RIPOR1: variants seen among roughly 807,000 people sequenced by gnomAD.
RIPOR1 encodes rho family-interacting cell polarization regulator 1.
Under a neutral mutation model 116.5 loss-of-function variants are expected in RIPOR1, and 58 were observed. The ratio of observed to expected loss-of-function variants is 0.50; its 90% CI spans 0.40 to 0.62. The LOEUF is 0.62. Among genes scored for constraint, RIPOR1 ranks in the 20% least tolerant of loss-of-function variants. The pLI is 0.00. For missense variants in RIPOR1, 1,372 were observed against 1,586.2 expected (o/e 0.86, Z 2.29); for synonymous variants, 605 against 650.0 (o/e 0.93, Z 1.05).
chr16:67,520,062 CAAAAAAA>C (rs796368368), intron 1 of RIPOR1, among the ~76,000 whole-genome samples: 9 of 46,024 alleles, frequency 2.0e-4, no homozygotes, highest in South Asian at 1.0e-3. Context: ...AACTCCGTCT[CAAAAAAA>C]AAAAAAAAAA....
In RIPOR1 at chr16:67,531,378, G is replaced by T. The variant is rs564967266; in HGVS notation, c.-24+2464G>T. On this transcript the variant is annotated intron_variant, in intron 1 of 21. Transcript: ENST00000042381. The surrounding 1 kb of genome is among the most constrained non-coding windows in gnomAD (Gnocchi z 4.2). ...CCCCCAGAGCGCTGTGGTGAGCCAA[G>T]CAGATATGCCCCAGGTCTCACAAGG... 6.6e-6 allele frequency among the ~76,000 whole-genome samples: 1 copy of T among 151,674 alleles called. No homozygotes were observed. The highest frequency in any genetic ancestry group is 1.9e-4 in the East Asian group (1 of 5,154).
chr16:67,536,476 C>T (rs969741038), intron 1 of RIPOR1, among the ~76,000 whole-genome samples: 6 of 151,948 alleles, frequency 3.9e-5, no homozygotes, highest in African/African-American at 1.5e-4. Context: ...AGGATGGGAA[C>T]GCAGAACCTG....
chr16:67,521,626 C>T (rs185084256), intron 1 of RIPOR1, among the ~76,000 whole-genome samples: 1 of 152,210 alleles, frequency 6.6e-6, no homozygotes, highest in Non-Finnish European at 1.5e-5. Context: ...AGTCAATCGC[C>T]CCACCCCTTG....
At position 67,530,354 on chromosome 16, in the gene RIPOR1, G is replaced by T. The variant is rs979267136; in HGVS notation, c.-24+1440G>T. Among the ~76,000 whole-genome samples the T allele has an allele frequency of 1.3e-5, 2 of 152,246 alleles. No homozygotes were observed. The highest frequency in any genetic ancestry group is 2.9e-5 in the Non-Finnish European group (2 of 68,036). On this transcript the variant is annotated intron_variant, in intron 1 of 21. Transcript: ENST00000042381. The surrounding 1 kb of genome is among the most constrained non-coding windows in gnomAD (Gnocchi z 4.5). ...CCCGACAGCCTCCGCCCGGTTCCGGGGTGGGGGGTCCGGGGCTGTGCCGCT... is the reference window on the plus strand; with the variant it reads ...CCCGACAGCCTCCGCCCGGTTCCGGTGTGGGGGGTCCGGGGCTGTGCCGCT...
In RIPOR1 at chr16:67,542,803, C is replaced by G. The variant is rs563947359; in HGVS notation, c.2017C>G (p.Leu673Val). The change falls in exon 13 of 22, where the codon CTT becomes GTT. Residue 673 changes from leucine to valine, a missense_variant. By Grantham distance (32) the Leu-to-Val change is conservative. This residue lies in a region of RIPOR1 where 1,005 missense variants were observed against 1,144.7 expected (regional missense o/e 0.88). Transcript: ENST00000042381. The surrounding 1 kb of genome is among the most constrained non-coding windows in gnomAD (Gnocchi z 4.6). ...CACCCATCCCACCACAAGCCCCATC[C>G]TTATAAATGTAAGCCCTTCCACTTC... The part of the protein sequence containing the change: ...SPTHPTTSPI[L>V]INVSPSTSLE... 6.2e-7 allele frequency: 1 copy of G among 1,614,090 alleles called. No homozygotes were observed. The highest frequency in any genetic ancestry group is 2.2e-5 in the East Asian group (1 of 44,888).
chr16:67,539,089 A>G (rs1597640228), intron 4 of RIPOR1, 21 bp downstream of exon 4: 1 of 1,606,708 alleles, frequency 6.2e-7, no homozygotes, highest in Non-Finnish European at 8.5e-7. Flanking sequence ...GGAGGTACGG[A>G]TGCCCTTTGC....
In RIPOR1 at chr16:67,545,344, A is replaced by C. The variant is rs1471205392; in HGVS notation, c.3032-32A>C. 6.2e-7 allele frequency: 1 copy of C among 1,602,678 alleles called. No individual in the cohort carries two copies. The highest frequency in any genetic ancestry group is 1.7e-5 in the Admixed American group (1 of 58,412). The stretch of plus-strand genomic sequence containing the variant: ...CCCCTCTAAAAGCTGTGTTCACCCA[A>C]ACTCTGAGGCCCATGCTACTGCCTC... On this transcript the variant is annotated intron_variant, in intron 17 of 21. Coordinates refer to ENST00000042381, the MANE Select transcript of RIPOR1 (RefSeq NM_024519.4). This position sits in a 1 kb window ranked among gnomAD's most constrained non-coding sequence, Gnocchi z 4.8.
chr16:67,545,174 C>G lies in RIPOR1; in HGVS notation c.3031+57C>G, dbSNP rs117495365. On this transcript the variant is annotated intron_variant, in intron 17 of 21. Coordinates refer to ENST00000042381, the MANE Select transcript of RIPOR1 (RefSeq NM_024519.4). This position sits in a 1 kb window ranked among gnomAD's most constrained non-coding sequence, Gnocchi z 4.8. Reference sequence around the variant, plus strand: ...CTCAGATTCCCAGTGACAGGAAGCTCGGGGAAGCCAGGTCAGCCCACACAG... The same window carrying G: ...CTCAGATTCCCAGTGACAGGAAGCTGGGGGAAGCCAGGTCAGCCCACACAG... 75 of 1,593,910 alleles carry G rather than the reference C, an allele frequency of 4.7e-5. No individual in the cohort carries two copies. The highest frequency in any genetic ancestry group is 6.1e-5 in the Non-Finnish European group (72 of 1,171,060).
At chr16:67,536,490 G>A (rs920563067) in intron 1 of RIPOR1, among the ~76,000 whole-genome samples, 3 of 152,092 alleles carry the variant, frequency 2.0e-5, no homozygotes, top group Non-Finnish European at 4.4e-5. Context: ...GAACCTGAGA[G>A]GCCCATGTGA....
Position 67,545,541 on chromosome 16 carries a change from C to G in RIPOR1, c.3190+7C>G. 6.2e-7 allele frequency: 1 copy of G among 1,613,798 alleles called. No individual in the cohort carries two copies. The highest frequency in any genetic ancestry group is 8.5e-7 in the Non-Finnish European group (1 of 1,179,874). On this transcript the variant is annotated splice_region_variant and intron_variant, in intron 18 of 21. Coordinates refer to ENST00000042381, the MANE Select transcript of RIPOR1 (RefSeq NM_024519.4). The surrounding 1 kb of genome is among the most constrained non-coding windows in gnomAD (Gnocchi z 4.8). ...ACTGAGACCGCTGAGGAGGGTGAGG[C>G]GGTGGCCCTGATCACATAGTGGCCT...
In RIPOR1 at chr16:67,544,514, C is replaced by T. The variant is rs1381179033; in HGVS notation, c.2733+83C>T. 4.5e-6 allele frequency: 7 copies of T among 1,548,284 alleles called. No individual in the cohort carries two copies. Among genetic ancestry groups the T allele is most frequent in the South Asian group, 1.2e-5 (1 of 85,712 alleles). On this transcript the variant is annotated intron_variant, in intron 15 of 21. Transcript: ENST00000042381. This position sits in a 1 kb window ranked among gnomAD's most constrained non-coding sequence, Gnocchi z 5.1. ...TGCCCTTCCATCCTGGTCCTCTATA[C>T]CTCCTCTGAGTGCCACACCCCAGTG...
Position 67,543,113 on chromosome 16 carries a change from C to A in RIPOR1, c.2327C>A (p.Thr776Asn). The change falls in exon 13 of 22, where the codon ACC becomes AAC. Residue 776 changes from threonine (T) to asparagine (N), a missense_variant. This residue lies in a region of RIPOR1 where 1,005 missense variants were observed against 1,144.7 expected (regional missense o/e 0.88). Coordinates refer to ENST00000042381, the MANE Select transcript of RIPOR1 (RefSeq NM_024519.4). This position sits in a 1 kb window ranked among gnomAD's most constrained non-coding sequence, Gnocchi z 4.7. The stretch of plus-strand genomic sequence containing the variant: ...CTTTGCCTGGCCATGGCTGTCCAGA[C>A]CCCAGTCCCAACGGCAGCCGGAGGG... ...SDLCLAMAVQ[T>N]PVPTAAGGSG... 1 of 1,524,524 alleles carries A rather than the reference C, an allele frequency of 6.6e-7. No homozygotes were observed. Among genetic ancestry groups the A allele is most frequent in the South Asian group, 1.3e-5 (1 of 75,716 alleles). The allele number at this position is 1,524,524 out of a possible 1,614,324, so 94.4% of individuals were successfully genotyped here.
chr16:67,538,530 C>A lies in RIPOR1; in HGVS notation c.84C>A (p.Gly28=). ...GCCAGTCCTTCGCAGGCGTCCTCGG[C>A]AGCCACGAGCGGGGGCCCAGGTACG... ...NRSQSFAGVL[G]SHERGPRSFP... The change falls in exon 2 of 22, where the codon GGC becomes GGA. Residue 28 remains glycine, a synonymous_variant. Coordinates refer to ENST00000042381, the MANE Select transcript of RIPOR1 (RefSeq NM_024519.4). 1 of 1,612,184 alleles carries A rather than the reference C, an allele frequency of 6.2e-7. No homozygotes were observed. Among genetic ancestry groups the A allele is most frequent in the Non-Finnish European group, 8.5e-7 (1 of 1,179,354 alleles).
rs375011951 is a variant in RIPOR1, at chr16:67,541,875, G to A, written c.1089G>A (p.Leu363=). 1.2e-6 allele frequency: 2 copies of A among 1,609,502 alleles called. No homozygotes were observed. Among genetic ancestry groups the A allele is most frequent in the African/African-American group, 2.7e-5 (2 of 74,790 alleles). ...SLREQAFYNM[L]RRQEELENGT... is the part of the protein sequence containing the mutation. The stretch of plus-strand genomic sequence containing the variant: ...CCTCTCCTCTTTCTCAGAACATGCT[G>A]CGACGGCAGGAGGAGCTGGAGAATG... Residue 363 remains leucine (L), a synonymous_variant, in exon 13 of 22, where the codon CTG becomes CTA. Coordinates refer to ENST00000042381, the MANE Select transcript of RIPOR1 (RefSeq NM_024519.4). The surrounding 1 kb of genome is among the most constrained non-coding windows in gnomAD (Gnocchi z 4.6).
chr16:67,545,650 T>G lies in RIPOR1; in HGVS notation c.3191-14T>G. ...CCACCTTGCCCACCCACCCACCATA[T>G]CCCCTTTTTTCAGTGCTACTGGTGC... On this transcript the variant is annotated splice_polypyrimidine_tract_variant and intron_variant, in intron 18 of 21. Transcript: ENST00000042381. The surrounding 1 kb of genome is among the most constrained non-coding windows in gnomAD (Gnocchi z 4.8). 2.6e-6 allele frequency: 4 copies of G among 1,560,406 alleles called. No homozygotes were observed. Among genetic ancestry groups the G allele is most frequent in the Non-Finnish European group, 3.5e-6 (4 of 1,149,984 alleles).
upstream of RIPOR1, among the ~76,000 whole-genome samples, chr16:67,524,564 C>T (rs2050524730): frequency 6.6e-6 from 1 of 152,176 alleles, no homozygotes; most frequent in African/African-American, 2.4e-5. Context: ...GTCCCTAGAT[C>T]CCTCAGATGC....
At position 67,537,665 on chromosome 16, in the gene RIPOR1, G is replaced by A; in HGVS notation, c.-23-759G>A. 8.8e-7 allele frequency: 1 copy of A among 1,132,908 alleles called. No individual in the cohort carries two copies. Among genetic ancestry groups the A allele is most frequent in the Non-Finnish European group, 1.2e-6 (1 of 866,662 alleles). 70.2% of individuals were successfully genotyped at this position (1,132,908 alleles called of 1,614,324 possible). A position where few individuals can be genotyped will look rare whatever the true frequency, so the allele number is the denominator to read the frequency against. ...CAGGGGAAGCAGGCCGGGTTTGGGGGCCAGGAGTGTGTGTTTCGCCGAAGC... is the reference window on the plus strand; with the variant it reads ...CAGGGGAAGCAGGCCGGGTTTGGGGACCAGGAGTGTGTGTTTCGCCGAAGC... On this transcript the variant is annotated intron_variant, in intron 1 of 21. Transcript: ENST00000042381. The surrounding 1 kb of genome is among the most constrained non-coding windows in gnomAD (Gnocchi z 4.6).
chr16:67,529,496 C>G lies in RIPOR1; in HGVS notation c.-24+582C>G, dbSNP rs1404053351. On this transcript the variant is annotated intron_variant, in intron 1 of 21. Coordinates refer to ENST00000042381, the MANE Select transcript of RIPOR1 (RefSeq NM_024519.4). This position sits in a 1 kb window ranked among gnomAD's most constrained non-coding sequence, Gnocchi z 4.1. Reference sequence around the variant, plus strand: ...GTCCTTGTCGGGGAACGGAGCTTTTCCCTGGAAATGGAGGTTGGCGCAAGG... The same window carrying G: ...GTCCTTGTCGGGGAACGGAGCTTTTGCCTGGAAATGGAGGTTGGCGCAAGG... The G allele has an allele frequency of 1.8e-5, 7 of 385,310 alleles. No homozygotes were observed. The highest frequency in any genetic ancestry group is 3.3e-5 in the Non-Finnish European group (7 of 213,272). 23.9% of individuals were successfully genotyped at this position (385,310 alleles called of 1,614,324 possible).
At chr16:67,534,944 G>C (rs1211894816) in intron 1 of RIPOR1, among the ~76,000 whole-genome samples, 2 of 145,208 alleles carry the variant, frequency 1.4e-5, no homozygotes, top group Non-Finnish European at 3.0e-5. Flanking sequence ...CCAGGTTCAA[G>C]CGATCCTCCT....
Sources: allele counts gnomAD v4.1 joint callset (sites outside exome capture counted in the v4.1 genomes callset), GRCh38; gene constraint gnomAD v4.1.1; regional missense constraint gnomAD v4.1.1; non-coding constraint Gnocchi (gnomAD v3.1); transcripts MANE v1.5; gene names NCBI Gene and HGNC (gene_info 2026-07-23, HGNC 2026-07-21).